Variants in ALS2 observed in about 807,000 individuals in gnomAD.
ALS2 encodes alsin Rho guanine nucleotide exchange factor ALS2, also known as alsin.
ALS2 carries 117 observed loss-of-function variants against 203.4 expected under a neutral mutation model. The observed-to-expected ratio is 0.58, with a 90% CI of 0.50 to 0.67. The LOEUF (loss-of-function observed/expected upper bound fraction) is 0.67, where lower values mean the gene tolerates loss of function less well. ALS2 is among the 30% of genes least tolerant of loss of function. The pLI is 0.00. For missense variants in ALS2, 1,715 were observed against 1,989.4 expected, an observed-to-expected ratio of 0.86 and a Z score of 2.62; for synonymous variants, 718 against 725.9, an observed-to-expected ratio of 0.99 and a Z score of 0.17.
At chr2:201,758,808 G>C (rs556015779) in intron 4 of ALS2, among the ~76,000 whole-genome samples, 73 of 150,912 alleles carry the variant, frequency 4.8e-4, no homozygotes, top group African/African-American at 1.7e-3. Context: ...TTTAACATTG[G>C]CATCTGACTT....
chr2:201,769,865 G>A (rs1264017017), intron 1 of ALS2, among the ~76,000 whole-genome samples: 1 of 152,106 alleles, frequency 6.6e-6, no homozygotes, highest in Non-Finnish European at 1.5e-5. Flanking sequence ...GAGTGATCTG[G>A]GGTCCATCTG....
chr2:201,728,939 G>C, intron 14 of ALS2, 113 bp downstream of exon 14: 1 of 1,507,228 alleles, frequency 6.6e-7, no homozygotes. Flanking sequence ...TTAGGAAAGG[G>C]GTCATTAAAA....
At chr2:201,736,399 T>C (rs1691878602) in intron 12 of ALS2, among the ~76,000 whole-genome samples, 1 of 152,090 alleles carries the variant, frequency 6.6e-6, no homozygotes, top group South Asian at 2.1e-4. Context: ...CTTTCGAAAA[T>C]ATTTAGAACT....
chr2:201,728,164 T>A (rs1691310003), intron 15 of ALS2, among the ~76,000 whole-genome samples: 4 of 152,220 alleles, frequency 2.6e-5, no homozygotes, highest in Non-Finnish European at 4.4e-5. Flanking sequence ...GTTACATATG[T>A]ATACACGTGC....
intron 7 of ALS2, among the ~76,000 whole-genome samples, chr2:201,750,168 CAA>C (rs200148047): frequency 1.2e-4 from 14 of 114,740 alleles, no homozygotes; most frequent in East Asian, 2.3e-4. Context: ...GTCGGTATCC[CAA>C]AAAAAAAAAA....
chr2:201,719,867 G>C (rs1399473614), intron 23 of ALS2: 1 of 191,540 alleles, frequency 5.2e-6, no homozygotes, highest in Non-Finnish European at 1.1e-5. Flanking sequence ...ATAACATAGA[G>C]AAATAGAAAA....
At chr2:201,727,147 T>C in intron 17 of ALS2, 65 bp downstream of exon 17, 10 of 1,368,282 alleles carry the variant, frequency 7.3e-6, no homozygotes, top group Non-Finnish European at 9.4e-6. Context: ...ATATTTCTTC[T>C]TTATTACACA....
intron 25 of ALS2, among the ~76,000 whole-genome samples, chr2:201,713,310 T>A (rs143371331): frequency 6.6e-6 from 1 of 151,748 alleles, no homozygotes; most frequent in Non-Finnish European, 1.5e-5. Context: ...TTAGTAGATA[T>A]GGGGTTTCAC....
intron 21 of ALS2, 89 bp downstream of exon 21, chr2:201,724,206 A>G: frequency 7.1e-7 from 1 of 1,413,994 alleles, no homozygotes; most frequent in Non-Finnish European, 9.9e-7. Flanking sequence ...TCTCCATGAA[A>G]AAGACAAAAT....
intron 10 of ALS2, among the ~76,000 whole-genome samples, chr2:201,743,086 A>AAG (rs34870023): frequency 6.6e-6 from 1 of 151,008 alleles, no homozygotes; most frequent in East Asian, 2.0e-4. Context: ...AAAAAAAAAA[A>AAG]GAAAGAAACA....
chr2:201,738,796 CA>C (rs1692052408), intron 11 of ALS2, 61 bp from the exon 12 acceptor site: 6 of 1,332,022 alleles, frequency 4.5e-6, no homozygotes, highest in Non-Finnish European at 6.5e-6. Flanking sequence ...CTTCAGTTTC[CA>C]AACACATACC....
chr2:201,733,230 ATCCTTGGC>A (rs1559057031), intron 13 of ALS2, 38 bp downstream of exon 13: 1 of 1,599,662 alleles, frequency 6.3e-7, no homozygotes, highest in South Asian at 1.1e-5. Flanking sequence ...AACAACTATG[ATCCTTGGC>A]TTTCCAAATG....
At chr2:201,757,870 A>G in intron 4 of ALS2, 111 bp from the exon 5 acceptor site, 1 of 820,850 alleles carries the variant, frequency 1.2e-6, no homozygotes, top group Non-Finnish European at 1.9e-6. Context: ...AGAATCTAAA[A>G]CGACAGAAGT....
chr2:201,743,577 C>T (rs904455839), intron 10 of ALS2, among the ~76,000 whole-genome samples: 32 of 152,090 alleles, frequency 2.1e-4, no homozygotes, highest in African/African-American at 6.3e-4. Flanking sequence ...CTCCACCTCC[C>T]GGGTTCAAGC....
intron 27 of ALS2, among the ~76,000 whole-genome samples, chr2:201,709,169 C>T (rs914341036): frequency 6.6e-6 from 1 of 152,210 alleles, no homozygotes; most frequent in Non-Finnish European, 1.5e-5. Context: ...AAGATGCTTA[C>T]TGTCTCATTT....
intron 28 of ALS2, 42 bp downstream of exon 28, chr2:201,707,827 C>T (rs1689817200): frequency 1.9e-6 from 3 of 1,606,802 alleles, no homozygotes; most frequent in Non-Finnish European, 2.6e-6. Flanking sequence ...ATCATCTAGT[C>T]ACCATTCCCT....
chr2:201,743,133 G>A (rs115328492), intron 10 of ALS2, among the ~76,000 whole-genome samples: 2,966 of 151,878 alleles, frequency 0.02, 40 homozygotes, highest in Non-Finnish European at 0.028. Context: ...CCTCAACATG[G>A]CAAAAGTGAT....
At chr2:201,738,548 T>C (rs769728539) in intron 12 of ALS2, 122 bp downstream of exon 12, 13 of 924,782 alleles carry the variant, frequency 1.4e-5, no homozygotes, top group Admixed American at 4.0e-5. Context: ...TGAAAGTTTA[T>C]ATTTTGACTT....
chr2:201,770,066 T>C (rs1160261641), intron 1 of ALS2, among the ~76,000 whole-genome samples: 1 of 152,248 alleles, frequency 6.6e-6, no homozygotes, highest in Non-Finnish European at 1.5e-5. Context: ...AATTAAGTGC[T>C]ACTATGCTTT....
Sources: allele counts gnomAD v4.1 joint callset (sites outside exome capture counted in the v4.1 genomes callset), GRCh38; gene constraint gnomAD v4.1.1; transcripts MANE v1.5; gene names NCBI Gene and HGNC (gene_info 2026-07-23, HGNC 2026-07-21).